The following ACSBG1 variants were observed in gnomAD, a reference collection of about 807,000 sequenced individuals.
The protein encoded by ACSBG1 is long-chain-fatty-acid--CoA ligase ACSBG1.
ACSBG1 carries 39 observed loss-of-function variants against 80.2 expected under a neutral mutation model. The observed-to-expected ratio is 0.49, with a 90% CI of 0.38 to 0.64. The LOEUF is 0.64. Among genes scored for constraint, ACSBG1 ranks in the 30% least tolerant of loss-of-function variants. ACSBG1 has a pLI of 0.00. For synonymous variants in ACSBG1, 392 were observed against 379.5 expected, an observed-to-expected ratio of 1.03 and a Z score of -0.38; for missense variants, 828 against 966.4, an observed-to-expected ratio of 0.86 and a Z score of 1.90.
At chr15:78,230,662 T>C (rs1046607610) in intron 1 of ACSBG1, among the ~76,000 whole-genome samples, 3 of 152,210 alleles carry the variant, frequency 2.0e-5, no homozygotes, top group Admixed American at 2.0e-4. Flanking sequence ...CGTGCTGTTC[T>C]CGTTACAGTA....
chr15:78,206,925 A>T (rs2075221210), intron 2 of ACSBG1, among the ~76,000 whole-genome samples: 1 of 151,898 alleles, frequency 6.6e-6, no homozygotes. Context: ...CTGTGCCATC[A>T]CTCATACTCA....
chr15:78,224,251 ATGAGAAACCC>A (rs1323189324), intron 1 of ACSBG1, among the ~76,000 whole-genome samples: 1 of 75,272 alleles, frequency 1.3e-5, no homozygotes, highest in East Asian at 7.5e-4. Flanking sequence ...CTGAAACATC[ATGAGAAACCC>A]TGAGCCAGAA....
At chr15:78,191,722 A>C (rs2075058438) in intron 5 of ACSBG1, among the ~76,000 whole-genome samples, 1 of 152,246 alleles carries the variant, frequency 6.6e-6, no homozygotes, top group African/African-American at 2.4e-5. Flanking sequence ...GAAGAAGAGA[A>C]GGTGGTCATG....
intron 5 of ACSBG1, among the ~76,000 whole-genome samples, chr15:78,192,693 C>A (rs1004567067): frequency 1.5e-4 from 23 of 152,202 alleles, no homozygotes; most frequent in African/African-American, 4.3e-4. Context: ...GGATAGGCAC[C>A]TGCTCTGGCT....
chr15:78,204,492 G>A (rs1013412020), intron 2 of ACSBG1, among the ~76,000 whole-genome samples: 1 of 152,204 alleles, frequency 6.6e-6, no homozygotes, highest in African/African-American at 2.4e-5. Context: ...CCTAGGAGGG[G>A]ACACCCAGGC....
rs1386485687 is a variant in ACSBG1 at position 78,170,073 on chromosome 15, C to A, written c.*1371G>T. On this transcript the variant is annotated 3_prime_UTR_variant, in exon 14 of 14. Transcript: ENST00000258873. The stretch of plus-strand genomic sequence containing the variant: ...AAGATGACATTCCAAAGACTGGAGG[C>A]AACTCAGCCTGAGTTAATTCACAAA... 2.6e-5 allele frequency: 4 copies of A among 152,258 alleles called. No homozygotes were observed. Among genetic ancestry groups the A allele is most frequent in the Non-Finnish European group, 5.9e-5 (4 of 68,056 alleles). The allele number at this position is 152,258 out of a possible 1,614,324, so 9.4% of individuals were successfully genotyped here.
chr15:78,171,887 T>C (rs2074827684), intron 13 of ACSBG1: 2 of 163,924 alleles, frequency 1.2e-5, no homozygotes, highest in Non-Finnish European at 2.6e-5. Context: ...CCATTTTCTC[T>C]GAAATGGATT....
intron 2 of ACSBG1, among the ~76,000 whole-genome samples, chr15:78,195,588 T>C (rs2075106144): frequency 6.6e-6 from 1 of 152,156 alleles, no homozygotes; most frequent in Non-Finnish European, 1.5e-5. Flanking sequence ...GAGGACTCAG[T>C]TCTCAGGGTG....
At chr15:78,234,321 T>C (rs112047409) in intron 1 of ACSBG1, 50 bp downstream of exon 1, 1 of 1,594,982 alleles carries the variant, frequency 6.3e-7, no homozygotes, top group Non-Finnish European at 8.5e-7. Flanking sequence ...GAGCAAAGTC[T>C]AGAACTCGGC....
intron 2 of ACSBG1, among the ~76,000 whole-genome samples, chr15:78,198,754 T>C (rs1040229783): frequency 6.6e-6 from 1 of 152,244 alleles, no homozygotes; most frequent in Non-Finnish European, 1.5e-5. Context: ...CTACAAATAT[T>C]CATACAAGGA....
chr15:78,202,663 C>G (rs28666532), intron 2 of ACSBG1, among the ~76,000 whole-genome samples: 20 of 152,208 alleles, frequency 1.3e-4, no homozygotes, highest in African/African-American at 4.6e-4. Context: ...TACAATCAGG[C>G]AAACAGACAA....
At chr15:78,229,932 G>A (rs989763355) in intron 1 of ACSBG1, among the ~76,000 whole-genome samples, 5 of 152,138 alleles carry the variant, frequency 3.3e-5, no homozygotes, top group African/African-American at 1.2e-4. Flanking sequence ...ATGGCCACCC[G>A]TAACATCTTC....
intron 4 of ACSBG1, 111 bp downstream of exon 4, chr15:78,193,821 G>A: frequency 6.8e-7 from 1 of 1,463,006 alleles, no homozygotes; most frequent in African/African-American, 1.4e-5. Flanking sequence ...CCAGGGAGGA[G>A]GCAGGATGGT....
intron 1 of ACSBG1, among the ~76,000 whole-genome samples, chr15:78,215,724 G>GAGAAAGAAAGAAAGAAAGAA (rs56078523): frequency 4.5e-4 from 52 of 116,640 alleles, no homozygotes; most frequent in East Asian, 2.0e-3. Flanking sequence ...AAGAAAGAAA[G>GAGAAAGAAAGAAAGAAAGAA]AGAAAGAAAG....
chr15:78,174,425 C>G lies in ACSBG1; in HGVS notation c.1802G>C (p.Gly601Ala), dbSNP rs1193170394. ...CATGGACAGGAACTTCCTCTGGTCC[C>G]CAATGAGCATGGCGTTGCTGATGAT... is the stretch of plus-strand genomic sequence containing the variant. ...LPIISNAMLI[G>A]DQRKFLSMLL... The change falls in exon 12 of 14, where the codon GGG (glycine) becomes GCG (alanine). Residue 601 changes from glycine (G) to alanine (A), a missense_variant. Around this residue, in one of 3 missense-constraint regions of ACSBG1, gnomAD observed 201 missense variants for 227.0 expected, o/e 0.89. Transcript: ENST00000258873. 6.2e-7 allele frequency: 1 copy of G among 1,614,160 alleles called. No homozygotes were observed. The highest frequency in any genetic ancestry group is 1.1e-5 in the South Asian group (1 of 91,084).
At chr15:78,234,020 T>G (rs2075471655) in intron 1 of ACSBG1, among the ~76,000 whole-genome samples, 1 of 152,154 alleles carries the variant, frequency 6.6e-6, no homozygotes, top group African/African-American at 2.4e-5. Flanking sequence ...CCAAAACTTA[T>G]CTGTCTTTGA....
rs186417652 is a variant in ACSBG1 at position 78,194,736 on chromosome 15, G to T, written c.233-10C>A. The T allele has an allele frequency of 5.0e-6, 8 of 1,609,680 alleles. No individual in the cohort carries two copies. The highest frequency in any genetic ancestry group is 1.3e-5 in the African/African-American group (1 of 74,990). ...GTCCACAGCGCCTCCTCTGTGGGGT[G>T]GGGGAGACCACAGCTTGGATCATGC... On this transcript the variant is annotated splice_polypyrimidine_tract_variant and intron_variant, in intron 2 of 13. Coordinates refer to ENST00000258873, the MANE Select transcript of ACSBG1 (RefSeq NM_015162.5).
intron 1 of ACSBG1, among the ~76,000 whole-genome samples, chr15:78,229,251 T>G (rs2075427976): frequency 6.6e-6 from 1 of 152,246 alleles, no homozygotes. Context: ...AATAAACAAT[T>G]TTGAATAAAT....
At chr15:78,219,059 A>G (rs1595902723) in intron 1 of ACSBG1, among the ~76,000 whole-genome samples, 1 of 151,816 alleles carries the variant, frequency 6.6e-6, no homozygotes, top group Admixed American at 6.6e-5. Flanking sequence ...TGATCTGCCC[A>G]CCTCGGCCTC....
Sources: allele counts gnomAD v4.1 joint callset (sites outside exome capture counted in the v4.1 genomes callset), GRCh38; gene constraint gnomAD v4.1.1; regional missense constraint gnomAD v4.1.1; transcripts MANE v1.5; gene names NCBI Gene and HGNC (gene_info 2026-07-23, HGNC 2026-07-21).